The following ADAMTSL3 variants were observed in gnomAD, a reference collection of about 807,000 sequenced individuals.
ADAMTSL3 encodes ADAMTS-like protein 3.
ADAMTSL3 carries 128 observed loss-of-function variants against 201.7 expected under a neutral mutation model. The ratio of observed to expected loss-of-function variants is 0.63; its 90% confidence interval spans 0.55 to 0.73. The LOEUF (loss-of-function observed/expected upper bound fraction) is 0.73. ADAMTSL3 is among the 30% of genes least tolerant of loss of function. The pLI, the probability that ADAMTSL3 is intolerant of heterozygous loss-of-function variation, is 0.00. For synonymous variants in ADAMTSL3, 738 were observed against 748.4 expected (o/e 0.99, Z 0.23); for missense variants, 1,990 against 2,119.6 (o/e 0.94, Z 1.20).
intron 3 of ADAMTSL3, among the ~76,000 whole-genome samples, chr15:83,712,491 T>C (rs904139095): frequency 2.6e-5 from 4 of 152,218 alleles, no homozygotes; most frequent in African/African-American, 4.8e-5. Context: ...CTAGTCCTCT[T>C]CTCTCATCTC....
intron 9 of ADAMTSL3, among the ~76,000 whole-genome samples, chr15:83,877,369 A>T (rs987046948): frequency 1.3e-5 from 2 of 152,210 alleles, no homozygotes; most frequent in Non-Finnish European, 2.9e-5. Flanking sequence ...TGTTTAATTG[A>T]CCTAGAGCCA....
chr15:83,701,174 A>G (rs1387962887), intron 2 of ADAMTSL3, among the ~76,000 whole-genome samples: 1 of 152,180 alleles, frequency 6.6e-6, no homozygotes, highest in Non-Finnish European at 1.5e-5. Flanking sequence ...GGAGTGAGGT[A>G]TCCAGTCGGG....
intron 17 of ADAMTSL3, among the ~76,000 whole-genome samples, chr15:83,932,060 C>T (rs995389929): frequency 6.6e-6 from 1 of 152,156 alleles, no homozygotes; most frequent in Non-Finnish European, 1.5e-5. Flanking sequence ...AAAGCTACCA[C>T]TCATGAAAAA....
chr15:83,878,292 C>G lies in ADAMTSL3; in HGVS notation c.961-6809C>G, dbSNP rs79081816. Among the ~76,000 whole-genome samples, 429 of 152,100 alleles carry G rather than the reference C, an allele frequency of 2.8e-3. 2 individuals carry two copies. Among genetic ancestry groups the G allele is most frequent in the African/African-American group, 9.6e-3 (399 of 41,494 alleles). On this transcript the variant is annotated intron_variant, in intron 9 of 29. Coordinates refer to ENST00000286744, the MANE Select transcript of ADAMTSL3 (RefSeq NM_207517.3). ...CCAACTGTATCTTCCTGTGATAAAC[C>G]TACTTAGTCATTATTCTTTTCAATT...
At chr15:83,830,199 A>G (rs912061736) in intron 6 of ADAMTSL3, among the ~76,000 whole-genome samples, 1 of 152,160 alleles carries the variant, frequency 6.6e-6, no homozygotes, top group Non-Finnish European at 1.5e-5. Flanking sequence ...CTGTCAATCT[A>G]AGTTGATGTT....
At chr15:83,787,335 A>G (rs1567144732) in intron 4 of ADAMTSL3, among the ~76,000 whole-genome samples, 1 of 152,182 alleles carries the variant, frequency 6.6e-6, no homozygotes, top group South Asian at 2.1e-4. Flanking sequence ...TTATTGATGT[A>G]TGGTATAAAT....
intron 2 of ADAMTSL3, among the ~76,000 whole-genome samples, chr15:83,692,145 GT>G (rs143546606): frequency 0.18 from 27,396 of 148,922 alleles, 3,423 homozygotes; most frequent in East Asian, 0.36. Context: ...GTTTGTAACA[GT>G]TTTTTTTTTC....
At chr15:83,716,631 G>T (rs2062024203) in intron 3 of ADAMTSL3, among the ~76,000 whole-genome samples, 1 of 151,756 alleles carries the variant, frequency 6.6e-6, no homozygotes, top group African/African-American at 2.4e-5. Context: ...TGTGTTGTGT[G>T]TGTGTGTGTT....
intron 2 of ADAMTSL3, among the ~76,000 whole-genome samples, chr15:83,702,994 G>A (rs949399879): frequency 1.3e-5 from 2 of 152,118 alleles, no homozygotes; most frequent in African/African-American, 4.8e-5. Context: ...AAGCCACAAG[G>A]GTGGAGTTGC....
At chr15:83,754,349 T>TTGC (rs2141681323) in intron 3 of ADAMTSL3, among the ~76,000 whole-genome samples, 1 of 152,234 alleles carries the variant, frequency 6.6e-6, no homozygotes, top group Admixed American at 6.5e-5. Context: ...TCCATAAATA[T>TTGC]TGCTCGCAGG....
chr15:83,986,026 C>T (rs551812489), intron 21 of ADAMTSL3, among the ~76,000 whole-genome samples: 7 of 151,988 alleles, frequency 4.6e-5, no homozygotes, highest in Non-Finnish European at 1.0e-4. Flanking sequence ...ACTTCAATAT[C>T]ACTGTCTTGG....
intron 9 of ADAMTSL3, among the ~76,000 whole-genome samples, chr15:83,881,042 C>T (rs1389957027): frequency 6.6e-6 from 1 of 151,994 alleles, no homozygotes; most frequent in Non-Finnish European, 1.5e-5. Context: ...TTTATTGATA[C>T]TCTGTTAAAA....
chr15:83,970,523 C>T lies in ADAMTSL3; in HGVS notation c.2530C>T (p.Gln844Ter). The change falls in exon 20 of 30, where the codon CAG (glutamine) becomes TAG (stop). Residue 844 changes from glutamine (Q) to a stop codon, truncating the protein, a stop_gained. Transcript: ENST00000286744. LOFTEE classifies it high-confidence loss of function. ...TGGTGTTGGAATCCAGAGAAGAAAG[C>T]AGGTGTGTCAAAGGCTGGCAGCCAA... ...SCGVGIQRRK[Q>*]VCQRLAAKGR... is the part of the protein sequence containing the mutation. 1.2e-6 allele frequency: 2 copies of T among 1,614,222 alleles called. No individual in the cohort carries two copies. The highest frequency in any genetic ancestry group is 1.7e-6 in the Non-Finnish European group (2 of 1,180,040).
chr15:83,880,228 C>G (rs11629657), intron 9 of ADAMTSL3, among the ~76,000 whole-genome samples: 94,672 of 151,820 alleles, frequency 0.62, 30,814 homozygotes, highest in African/African-American at 0.8. Flanking sequence ...CTGTCCCAAG[C>G]TCTTTGTTAT....
chr15:83,901,745 G>A (rs1596378545), intron 15 of ADAMTSL3, among the ~76,000 whole-genome samples: 1 of 151,260 alleles, frequency 6.6e-6, no homozygotes, highest in African/African-American at 2.4e-5. Context: ...GAAGGCATTA[G>A]GCTAAATGCT....
intron 11 of ADAMTSL3, chr15:83,890,629 T>G: frequency 5.8e-6 from 1 of 171,130 alleles, no homozygotes. Flanking sequence ...CATATTAAAT[T>G]CAGTATAAAT....
At chr15:83,694,292 G>T (rs908847741) in intron 2 of ADAMTSL3, 2 of 152,198 alleles carry the variant, frequency 1.3e-5, no homozygotes, top group African/African-American at 4.8e-5. Context: ...TCTCTCTCCT[G>T]GGTGCTTTGG....
intron 3 of ADAMTSL3, among the ~76,000 whole-genome samples, chr15:83,735,480 A>G (rs1286879336): frequency 1.3e-5 from 2 of 152,206 alleles, no homozygotes; most frequent in East Asian, 3.9e-4. Context: ...AAATATTTCA[A>G]TGTTGGGTCT....
intron 9 of ADAMTSL3, among the ~76,000 whole-genome samples, chr15:83,873,358 C>G (rs1449942539): frequency 6.9e-6 from 1 of 145,056 alleles, no homozygotes; most frequent in Non-Finnish European, 1.5e-5. Context: ...AGAATGAATT[C>G]TTTTGAAGTG....
Sources: gnomAD v4.1 joint callset for allele counts (sites outside exome capture counted in the v4.1 genomes callset) on GRCh38, gnomAD v4.1.1 for gene constraint, MANE v1.5 for transcripts, NCBI Gene and HGNC (gene_info 2026-07-23, HGNC 2026-07-21) for gene names.